The following NDUFS4 variants were observed in gnomAD, a reference collection of about 807,000 sequenced individuals.
The protein encoded by NDUFS4 is NADH dehydrogenase [ubiquinone] iron-sulfur protein 4, mitochondrial.
A neutral mutation model predicts 24.3 loss-of-function variants in NDUFS4; 28 were observed. The ratio of observed to expected loss-of-function variants is 1.15; its 90% CI spans 0.85 to 1.58. NDUFS4 has a LOEUF of 1.58. NDUFS4 is among the 40% of genes most tolerant of loss of function. NDUFS4 has a pLI of 0.00. For missense variants in NDUFS4, 223 were observed against 207.9 expected, an observed-to-expected ratio of 1.07 and a Z score of -0.45; for synonymous variants, 93 against 69.7, an observed-to-expected ratio of 1.34 and a Z score of -1.67.
At chr5:53,667,979 A>G (rs1197526112) in intron 4 of NDUFS4, among the ~76,000 whole-genome samples, 2 of 152,182 alleles carry the variant, frequency 1.3e-5, no homozygotes, top group Admixed American at 6.5e-5. Flanking sequence ...ATAGGGGGAA[A>G]TGAGTTTTTG....
At chr5:53,566,190 G>T (rs1749020164) in intron 1 of NDUFS4, among the ~76,000 whole-genome samples, 1 of 152,094 alleles carries the variant, frequency 6.6e-6, no homozygotes. Context: ...ATAATACACG[G>T]AACTTAAGGG....
chr5:53,591,470 G>C (rs927225793), intron 1 of NDUFS4, among the ~76,000 whole-genome samples: 1 of 131,196 alleles, frequency 7.6e-6, no homozygotes, highest in Non-Finnish European at 1.6e-5. Flanking sequence ...TTGGGGGGGG[G>C]GGGTGATAAT....
intron 1 of NDUFS4, among the ~76,000 whole-genome samples, chr5:53,594,071 G>A (rs929324445): frequency 2.0e-5 from 3 of 152,070 alleles, no homozygotes; most frequent in African/African-American, 7.2e-5. Context: ...AATTGATTGT[G>A]CTGTTTACTT....
At chr5:53,582,618 T>G (rs1487324435) in intron 1 of NDUFS4, among the ~76,000 whole-genome samples, 1 of 152,232 alleles carries the variant, frequency 6.6e-6, no homozygotes, top group Non-Finnish European at 1.5e-5. Context: ...TTCATCAACA[T>G]ATAACAAAAT....
chr5:53,645,480 C>T lies in NDUFS4; in HGVS notation c.178-753C>T, dbSNP rs575348326. Among the ~76,000 whole-genome samples the T allele has an allele frequency of 4.6e-5, 7 of 152,266 alleles. No homozygotes were observed. The South Asian group carries it at 1.5e-3, about 32-fold the overall frequency. On this transcript the variant is annotated intron_variant, in intron 2 of 4. Transcript: ENST00000296684. Reference sequence around the variant, plus strand: ...CTATGTTTTGATAAATGTATCTACTCTGGGGCATCAAAATTCTGTGCATTT... The same window carrying T: ...CTATGTTTTGATAAATGTATCTACTTTGGGGCATCAAAATTCTGTGCATTT...
chr5:53,596,096 T>A (rs1303839838), intron 1 of NDUFS4, among the ~76,000 whole-genome samples: 1 of 152,148 alleles, frequency 6.6e-6, no homozygotes, highest in African/African-American at 2.4e-5. Context: ...TGTGGGTTCT[T>A]TTCTTTTACT....
chr5:53,677,205 G>A (rs1352696449), intron 4 of NDUFS4, among the ~76,000 whole-genome samples: 3 of 152,052 alleles, frequency 2.0e-5, no homozygotes, highest in African/African-American at 7.2e-5. Context: ...GAAAATAATA[G>A]AAATATTACA....
At chr5:53,659,063 T>G (rs1305972477) in intron 4 of NDUFS4, among the ~76,000 whole-genome samples, 2 of 152,122 alleles carry the variant, frequency 1.3e-5, no homozygotes, top group Admixed American at 6.6e-5. Flanking sequence ...TATTTGAAAA[T>G]ATTGTCTTAT....
rs1305182276 is a variant in NDUFS4, at chr5:53,658,603, G to A, written c.403G>A (p.Val135Ile). 1.2e-6 allele frequency: 2 copies of A among 1,612,840 alleles called. No individual in the cohort carries two copies. The highest frequency in any genetic ancestry group is 1.3e-5 in the African/African-American group (1 of 74,790). The change falls in exon 4 of 5, where the codon GTT becomes ATT. Residue 135 changes from valine (V) to isoleucine (I), a missense_variant. Coordinates refer to ENST00000296684, the MANE Select transcript of NDUFS4 (RefSeq NM_002495.4). The part of the protein sequence containing the change: ...VLTFSTKEDA[V>I]SFAEKNGWSY... ...AACCTTCAGTACTAAAGAAGATGCA[G>A]TTTCCTTTGCAGAAAAAAATGGTAT...
chr5:53,606,758 C>T (rs1750524956), intron 2 of NDUFS4, among the ~76,000 whole-genome samples: 6 of 152,240 alleles, frequency 3.9e-5, no homozygotes. Context: ...ATAACCTAAT[C>T]ACCTCACATC....
At chr5:53,623,195 CTGTTTTCCATAT>C (rs1361736692) in intron 2 of NDUFS4, among the ~76,000 whole-genome samples, 2 of 152,176 alleles carry the variant, frequency 1.3e-5, no homozygotes, top group East Asian at 1.9e-4. Flanking sequence ...GAACTACATA[CTGTTTTCCATAT>C]TGGCTGCACC....
intron 4 of NDUFS4, among the ~76,000 whole-genome samples, chr5:53,676,209 G>A (rs1258363060): frequency 6.6e-6 from 1 of 152,174 alleles, no homozygotes; most frequent in Non-Finnish European, 1.5e-5. Context: ...CCAGGACTGG[G>A]TTGAGAGGGG....
chr5:53,573,653 A>G (rs1003559158), intron 1 of NDUFS4: 53 of 443,632 alleles, frequency 1.2e-4, no homozygotes, highest in Admixed American at 1.2e-3. Flanking sequence ...CAGTGGTGCA[A>G]TCATAGCTCA....
chr5:53,634,411 A>G (rs533581378), intron 2 of NDUFS4, among the ~76,000 whole-genome samples: 5 of 152,188 alleles, frequency 3.3e-5, no homozygotes, highest in Non-Finnish European at 5.9e-5. Flanking sequence ...ATATTTGTTT[A>G]TTTAAGAATT....
At chr5:53,670,175 C>T (rs1752624383) in intron 4 of NDUFS4, among the ~76,000 whole-genome samples, 1 of 151,968 alleles carries the variant, frequency 6.6e-6, no homozygotes, top group Admixed American at 6.6e-5. Flanking sequence ...TGATAGGATA[C>T]CGAGACCTAG....
At chr5:53,585,863 C>G (rs1749736456) in intron 1 of NDUFS4, among the ~76,000 whole-genome samples, 1 of 151,358 alleles carries the variant, frequency 6.6e-6, no homozygotes, top group Non-Finnish European at 1.5e-5. Flanking sequence ...TGTTATGTTA[C>G]ATTTCTGAGT....
intron 2 of NDUFS4, among the ~76,000 whole-genome samples, chr5:53,645,994 AT>A (rs1202819168): frequency 6.6e-6 from 1 of 151,970 alleles, no homozygotes; most frequent in Non-Finnish European, 1.5e-5. Context: ...AAGGGCGTAA[AT>A]TTTTTTTACG....
chr5:53,665,093 C>T (rs1752474294), intron 4 of NDUFS4, among the ~76,000 whole-genome samples: 1 of 152,222 alleles, frequency 6.6e-6, no homozygotes, highest in South Asian at 2.1e-4. Context: ...TGGAGGTCCA[C>T]TCCAGACCCT....
chr5:53,619,839 G>T (rs1750976060), intron 2 of NDUFS4, among the ~76,000 whole-genome samples: 1 of 151,860 alleles, frequency 6.6e-6, no homozygotes, highest in Non-Finnish European at 1.5e-5. Flanking sequence ...ATCTTTCATT[G>T]TATGGCTGTA....
Sources: allele counts gnomAD v4.1 joint callset (sites outside exome capture counted in the v4.1 genomes callset), GRCh38; gene constraint gnomAD v4.1.1; transcripts MANE v1.5; gene names NCBI Gene and HGNC (gene_info 2026-07-23, HGNC 2026-07-21).